TRMT11: variants seen among roughly 807,000 people sequenced by gnomAD.
TRMT11 encodes the protein tRNA methyltransferase 11, also known as tRNA (guanine(10)-N(2))-methyltransferase TRMT11.
In TRMT11, 53 loss-of-function variants were observed where a neutral mutation model predicts 62.8. That is an observed-to-expected ratio of 0.84 (90% CI 0.68 to 1.06). TRMT11 has a LOEUF of 1.06. TRMT11 is among the 50% of genes least tolerant of loss of function. The probability of loss-of-function intolerance (pLI) is 0.00; values close to 1 mark genes in which losing one functional copy is unlikely to be tolerated. For missense variants in TRMT11, 556 were observed against 553.4 expected, an observed-to-expected ratio of 1.00 and a Z score of -0.05; for synonymous variants, 188 against 190.3, an observed-to-expected ratio of 0.99 and a Z score of 0.10.
chr6:126,094,597 G>C (rs1188729440), intron 17 of TRMT11, among the ~76,000 whole-genome samples: 6 of 152,152 alleles, frequency 3.9e-5, no homozygotes, highest in African/African-American at 1.4e-4. Context: ...TAGTCTCAGA[G>C]GCAAGACTAT....
chr6:126,164,197 T>C (rs1583895281), intron 21 of TRMT11, among the ~76,000 whole-genome samples: 1 of 152,228 alleles, frequency 6.6e-6, no homozygotes, highest in African/African-American at 2.4e-5. Flanking sequence ...TGGTTTCAAA[T>C]AACTTATTTA....
chr6:126,268,302 C>CAG, the TRMT11 span, among the ~76,000 whole-genome samples: 1 of 152,158 alleles, frequency 6.6e-6, no homozygotes, highest in Non-Finnish European at 1.5e-5. Flanking sequence ...TCAGACTGTG[C>CAG]AGAGCAGTGA....
intron 2 of TRMT11, 111 bp downstream of exon 2, chr6:125,993,933 G>A (rs1039430119): frequency 8.6e-6 from 5 of 580,316 alleles, no homozygotes; most frequent in South Asian, 3.5e-5. Context: ...ACTTGTATCT[G>A]TTTCAAGAGG....
intron 1 of TRMT11, among the ~76,000 whole-genome samples, chr6:126,196,415 A>C (rs926694221): frequency 2.0e-5 from 3 of 152,140 alleles, no homozygotes; most frequent in African/African-American, 7.2e-5. Flanking sequence ...AAGCTCCCTT[A>C]ATTGGGGCAT....
chr6:126,015,715 T>C (rs995341798), intron 11 of TRMT11, among the ~76,000 whole-genome samples: 2 of 152,210 alleles, frequency 1.3e-5, no homozygotes, highest in African/African-American at 2.4e-5. Flanking sequence ...TTGCAATCCA[T>C]GTAGGAAACT....
intron 17 of TRMT11, among the ~76,000 whole-genome samples, chr6:126,053,857 C>T (rs866652460): frequency 9.2e-5 from 14 of 152,144 alleles, no homozygotes; most frequent in Non-Finnish European, 1.9e-4. Flanking sequence ...GAGATGACAT[C>T]TAAGTTAACC....
intron 12 of TRMT11, among the ~76,000 whole-genome samples, chr6:126,034,287 T>C (rs1774758631): frequency 6.6e-6 from 1 of 152,152 alleles, no homozygotes; most frequent in Non-Finnish European, 1.5e-5. Flanking sequence ...ATGATACTTT[T>C]CTGCAAAAAG....
downstream of TRMT11, among the ~76,000 whole-genome samples, chr6:126,208,393 A>C (rs189896325): frequency 4.3e-4 from 65 of 152,280 alleles, no homozygotes; most frequent in South Asian, 2.5e-3. Flanking sequence ...CTTTCCTTTG[A>C]GTATTTATTC....
chr6:126,062,909 C>CT (rs1419370368), intron 17 of TRMT11, among the ~76,000 whole-genome samples: 2 of 152,170 alleles, frequency 1.3e-5, no homozygotes, highest in Non-Finnish European at 2.9e-5. Context: ...TTTCAAAATG[C>CT]TTTTGGAAAA....
At chr6:126,094,132 A>G (rs1040264112) in intron 17 of TRMT11, among the ~76,000 whole-genome samples, 1 of 151,864 alleles carries the variant, frequency 6.6e-6, no homozygotes, top group Non-Finnish European at 1.5e-5. Context: ...ACTTAGACCC[A>G]TCTTATTGCT....
chr6:126,250,997 G>T, the TRMT11 span, among the ~76,000 whole-genome samples: 3 of 150,976 alleles, frequency 2.0e-5, no homozygotes, highest in African/African-American at 7.3e-5. Flanking sequence ...ATTTTTTTGG[G>T]CCAGATCCCA....
intron 12 of TRMT11, among the ~76,000 whole-genome samples, chr6:126,029,020 T>A (rs1760257291): frequency 6.6e-6 from 1 of 152,174 alleles, no homozygotes; most frequent in Admixed American, 6.5e-5. Flanking sequence ...ATGAATAATT[T>A]AGAGAAATGG....
At chr6:126,115,947 T>C (rs1323478785) in intron 21 of TRMT11, among the ~76,000 whole-genome samples, 1 of 151,804 alleles carries the variant, frequency 6.6e-6, no homozygotes, top group African/African-American at 2.4e-5. Flanking sequence ...GTCCCAGCTC[T>C]GGGCTCCCCC....
At chr6:126,064,238 C>T (rs908190091) in intron 17 of TRMT11, among the ~76,000 whole-genome samples, 1 of 151,976 alleles carries the variant, frequency 6.6e-6, no homozygotes, top group Admixed American at 6.6e-5. Context: ...CAATTTGGGA[C>T]CCTTGACCTC....
At chr6:126,093,105 A>G (rs1447797921) in intron 17 of TRMT11, among the ~76,000 whole-genome samples, 1 of 152,202 alleles carries the variant, frequency 6.6e-6, no homozygotes, top group African/African-American at 2.4e-5. Context: ...GGAAAGAGGG[A>G]GTCTTTTTGG....
intron 17 of TRMT11, among the ~76,000 whole-genome samples, chr6:126,091,937 A>G (rs1777281990): frequency 6.6e-6 from 1 of 152,234 alleles, no homozygotes; most frequent in Non-Finnish European, 1.5e-5. Context: ...AAATGTTAAT[A>G]TATATCCCAT....
intron 11 of TRMT11, among the ~76,000 whole-genome samples, chr6:126,014,419 T>G (rs1024772552): frequency 6.6e-6 from 1 of 152,044 alleles, no homozygotes; most frequent in Non-Finnish European, 1.5e-5. Context: ...GCCCGCTAAG[T>G]TTTGTATTTT....
intron 17 of TRMT11, among the ~76,000 whole-genome samples, chr6:126,108,496 A>G (rs1562324658): frequency 6.6e-6 from 1 of 152,226 alleles, no homozygotes; most frequent in African/African-American, 2.4e-5. Flanking sequence ...TACTTTATGT[A>G]ATCATCATAA....
rs145963759 is a variant in TRMT11, at chr6:126,093,631, A to ATTTTTTTTTTTT, written c.*1438-19231_*1438-19230insTTTTTTTTTTTT. On this transcript the variant is annotated intron_variant and NMD_transcript_variant, in intron 17 of 22. Coordinates refer to the TRMT11 transcript ENST00000648977. The stretch of plus-strand genomic sequence containing the variant: ...TATATATATATATATATATATATAT[A>ATTTTTTTTTTTT]TTTTCCCCCAGTCCTGGAGGATCAA... Among the ~76,000 whole-genome samples the ATTTTTTTTTTTT allele has an allele frequency of 3.1e-4, 30 of 98,012 alleles. 2 individuals are homozygous for ATTTTTTTTTTTT. The highest frequency in any genetic ancestry group is 1.2e-3 in the African/African-American group (28 of 22,924). 64.3% of individuals were successfully genotyped at this position (98,012 alleles called of 152,430 possible).
Sources: allele counts gnomAD v4.1 joint callset (sites outside exome capture counted in the v4.1 genomes callset), GRCh38; gene constraint gnomAD v4.1.1; transcripts MANE v1.5; gene names NCBI Gene and HGNC (gene_info 2026-07-23, HGNC 2026-07-21).